Variants in SPATA31A6 observed in about 807,000 individuals in gnomAD.
The protein encoded by SPATA31A6 is SPATA31 subfamily A member 6.
SPATA31A6 carries 9 observed loss-of-function variants against 11.9 expected under a neutral mutation model. The ratio of observed to expected loss-of-function variants is 0.76; its 90% confidence interval spans 0.46 to 1.32. SPATA31A6 has a LOEUF of 1.32. Ranked by LOEUF, SPATA31A6 falls within the 40% of genes most tolerant of loss-of-function variation. The pLI is 0.00. For missense variants in SPATA31A6, 855 were observed against 1,467.3 expected, an observed-to-expected ratio of 0.58 and a Z score of 6.82; for synonymous variants, 314 against 572.1, an observed-to-expected ratio of 0.55 and a Z score of 6.44.
chr9:42,184,527 T>TTTTATTTTAC lies in SPATA31A6; in HGVS notation c.190-533_190-532insCTTTATTTTA, dbSNP rs1185826780. ...TGTTATTTTATTTTATTTTATTTTA[T>TTTTATTTTAC]TTTATTTTATTTTATTTTTTGAGAT... On this transcript the variant is annotated intron_variant, in intron 1 of 3. Coordinates refer to ENST00000332857, the MANE Select transcript of SPATA31A6 (RefSeq NM_001145196.1). 7.0e-5 allele frequency among the ~76,000 whole-genome samples: 9 copies of TTTTATTTTAC among 128,184 alleles called. 2 individuals are homozygous for TTTTATTTTAC. The highest frequency in any genetic ancestry group is 1.3e-4 in the Non-Finnish European group (8 of 62,546). The allele number at this position is 128,184 out of a possible 152,430, so 84.1% of individuals were successfully genotyped here.
rs533801395 is a variant in SPATA31A6, at chr9:42,185,631, C to A, written c.248-64C>A. On this transcript the variant is annotated intron_variant, in intron 2 of 3. Coordinates refer to ENST00000332857, the MANE Select transcript of SPATA31A6 (RefSeq NM_001145196.1). ...ATGGTCCTCCCTAAAGAAACAGCCACTCAGCCTCCTGTGAGATCCCAGGCC... is the reference window on the plus strand; with the variant it reads ...ATGGTCCTCCCTAAAGAAACAGCCAATCAGCCTCCTGTGAGATCCCAGGCC... 129 of 1,422,146 alleles carry A rather than the reference C, an allele frequency of 9.1e-5. 25 individuals carry two copies. In the African/African-American group the frequency reaches 2.0e-3, roughly 22 times the overall value. The allele number at this position is 1,422,146 out of a possible 1,614,324, so 88.1% of individuals were successfully genotyped here. A position where few individuals can be genotyped will look rare whatever the true frequency, so the allele number is the denominator to read the frequency against.
At position 42,187,152 on chromosome 9, in the gene SPATA31A6, C is replaced by T. The variant is rs142810770; in HGVS notation, c.1450C>T (p.Gln484Ter). ...HRQPFISSTP[Q>*]FLPTPMAQAE... ...CCAACCCTTTATTTCATCCACACCC[C>T]AATTCCTGCCCACACCTATGGCTCA... Residue 484 changes from glutamine (Q) to a stop codon, truncating the protein, a stop_gained, in exon 4 of 4, where the codon CAA becomes TAA. Coordinates refer to ENST00000332857, the MANE Select transcript of SPATA31A6 (RefSeq NM_001145196.1). LOFTEE classifies it low-confidence loss of function (END_TRUNC). 297 of 1,542,998 alleles carry T rather than the reference C, an allele frequency of 1.9e-4. 48 individuals are homozygous for T. Among genetic ancestry groups the T allele is most frequent in the Non-Finnish European group, 2.5e-4 (279 of 1,137,818 alleles).
chr9:42,185,436 C>A (rs1016410321), intron 2 of SPATA31A6: 3 of 629,262 alleles, frequency 4.8e-6, no homozygotes, highest in African/African-American at 2.1e-5. Context: ...CTCTTTGAGA[C>A]CACCTCAGTC....
Position 42,186,769 on chromosome 9 carries a change from C to G in SPATA31A6, c.1067C>G (p.Pro356Arg). The G allele has an allele frequency of 6.5e-7, 1 of 1,529,892 alleles. No individual in the cohort carries two copies. The highest frequency in any genetic ancestry group is 8.8e-7 in the Non-Finnish European group (1 of 1,138,334). The allele number at this position is 1,529,892 out of a possible 1,614,324, so 94.8% of individuals were successfully genotyped here. Residue 356 changes from proline (P) to arginine (R), a missense_variant, in exon 4 of 4, where the codon CCA becomes CGA. Physicochemically the swap from Pro to Arg is moderately radical, Grantham distance 103 (BLOSUM62 -2). Coordinates refer to ENST00000332857, the MANE Select transcript of SPATA31A6 (RefSeq NM_001145196.1). ...NVGSFTNQMT[P>R]EKHLNSLGNL... is the part of the protein sequence containing the mutation. ...GGATCATTTACAAATCAAATGACCC[C>G]AGAAAAGCACTTAAATTCTTTGGGG...
At position 42,188,680 on chromosome 9, in the gene SPATA31A6, C is replaced by T. The variant is rs1397672213; in HGVS notation, c.2978C>T (p.Ser993Phe). 8 of 1,212,428 alleles carry T rather than the reference C, an allele frequency of 6.6e-6. 2 individuals carry two copies. Among genetic ancestry groups the T allele is most frequent in the Non-Finnish European group, 8.9e-6 (8 of 898,162 alleles). 75.1% of individuals were successfully genotyped at this position (1,212,428 alleles called of 1,614,324 possible). A position where few individuals can be genotyped will look rare whatever the true frequency, so the allele number is the denominator to read the frequency against. Residue 993 changes from serine (S) to phenylalanine (F), a missense_variant, in exon 4 of 4, where the codon TCC becomes TTC. Physicochemically the swap from Ser to Phe is radical, Grantham distance 155 (BLOSUM62 -2). Coordinates refer to ENST00000332857, the MANE Select transcript of SPATA31A6 (RefSeq NM_001145196.1). ...KSSLHPRVSVSQDPRKLCLME... is the reference protein window; with the variant it reads ...KSSLHPRVSVFQDPRKLCLME... The stretch of plus-strand genomic sequence containing the variant: ...TCTCTACACCCTAGAGTGTCTGTCT[C>T]CCAAGATCCAAGAAAGCTGTGTCTT...
In SPATA31A6 at chr9:42,187,110, C is replaced by A; in HGVS notation, c.1408C>A (p.Gln470Lys). The change falls in exon 4 of 4, where the codon CAG becomes AAG. Residue 470 changes from glutamine to lysine, a missense_variant. Physicochemically the swap from Gln to Lys is moderately conservative, Grantham distance 53 (BLOSUM62 1). Coordinates refer to ENST00000332857, the MANE Select transcript of SPATA31A6 (RefSeq NM_001145196.1). ...TTMSPLLFQA[Q>K]PLSHRQPFIS... ...AATGTCCCCACTGCTTTTCCAGGCC[C>A]AGCCCCTGTCCCACCGCCAACCCTT... 1 of 1,541,214 alleles carries A rather than the reference C, an allele frequency of 6.5e-7. No individual in the cohort carries two copies. The highest frequency in any genetic ancestry group is 8.8e-7 in the Non-Finnish European group (1 of 1,137,310).
rs1394389004 is a variant in SPATA31A6 at position 42,187,173 on chromosome 9, G to A, written c.1471G>A (p.Ala491Thr). 3.9e-6 allele frequency: 6 copies of A among 1,542,716 alleles called. 1 individual carries two copies. The highest frequency in any genetic ancestry group is 2.4e-5 in the East Asian group (1 of 41,864). ...STPQFLPTPMAQAEAQAHLQS... is the reference protein window; with the variant it reads ...STPQFLPTPMTQAEAQAHLQS... ...ACCCCAATTCCTGCCCACACCTATG[G>A]CTCAGGCCGAGGCTCAGGCCCATCT... Residue 491 changes from alanine to threonine, a missense_variant, in exon 4 of 4, where the codon GCT becomes ACT. Physicochemically the swap from Ala to Thr is moderately conservative, Grantham distance 58. Transcript: ENST00000332857.
chr9:42,184,046 A>C (rs1367070781), intron 1 of SPATA31A6, among the ~76,000 whole-genome samples, 170 bp downstream of exon 1: 3 of 137,254 alleles, frequency 2.2e-5, no homozygotes, highest in Non-Finnish European at 4.7e-5. Context: ...TGGTAGGGGT[A>C]GATAGTGTAC....
Position 42,186,863 on chromosome 9 carries a change from G to A in SPATA31A6, c.1161G>A (p.Glu387=). Residue 387 remains glutamate, a synonymous_variant, in exon 4 of 4, where the codon GAG becomes GAA. Transcript: ENST00000332857. ...CAAAACCCTTCTGGAACATGGGAGA[G>A]AACTCGAAACAGCTGCCCGGACCTC... is the stretch of plus-strand genomic sequence containing the variant. ...TNPKPFWNMG[E]NSKQLPGPQK... 1.3e-6 allele frequency: 2 copies of A among 1,536,222 alleles called. No homozygotes were observed. Among genetic ancestry groups the A allele is most frequent in the Non-Finnish European group, 1.8e-6 (2 of 1,142,310 alleles).
At position 42,189,053 on chromosome 9, in the gene SPATA31A6, T is replaced by A. The variant is rs1199730242; in HGVS notation, c.3351T>A (p.His1117Gln). ...EKSRKPNLEK[H>Q]EERLEGLRTP... Reference sequence around the variant, plus strand: ...CTAGGAAGCCCAACTTAGAAAAACATGAAGAAAGGCTTGAAGGATTGAGGA... The same window carrying A: ...CTAGGAAGCCCAACTTAGAAAAACAAGAAGAAAGGCTTGAAGGATTGAGGA... Residue 1117 changes from histidine to glutamine, a missense_variant, in exon 4 of 4, where the codon CAT becomes CAA. Transcript: ENST00000332857. 4.5e-6 allele frequency: 7 copies of A among 1,555,062 alleles called. No individual in the cohort carries two copies. The East Asian group carries it at 1.4e-4, about 32-fold the overall frequency.
rs1161791548 is a variant in SPATA31A6 at position 42,184,631 on chromosome 9, G to A, written c.190-438G>A. On this transcript the variant is annotated intron_variant, in intron 1 of 3. Coordinates refer to ENST00000332857, the MANE Select transcript of SPATA31A6 (RefSeq NM_001145196.1). ...TGCAACCTCTGCTTCCCGAGTTCAAGCGATTCTCCTGTCTTAGCGTCCTGA... is the reference window on the plus strand; with the variant it reads ...TGCAACCTCTGCTTCCCGAGTTCAAACGATTCTCCTGTCTTAGCGTCCTGA... 2.2e-5 allele frequency among the ~76,000 whole-genome samples: 3 copies of A among 135,938 alleles called. 1 individual carries two copies. The highest frequency in any genetic ancestry group is 4.7e-5 in the Non-Finnish European group (3 of 64,448). 89.2% of individuals were successfully genotyped at this position (135,938 alleles called of 152,430 possible).
chr9:42,187,362 T>C lies in SPATA31A6; in HGVS notation c.1660T>C (p.Leu554=), dbSNP rs755829957. 1.9e-5 allele frequency: 29 copies of C among 1,536,370 alleles called. 3 individuals are homozygous for C. In the East Asian group the frequency reaches 2.7e-4, roughly 14 times the overall value. ...LRKQLEGRLA[L]PSRVQKSQDV... is the part of the protein sequence containing the mutation. ...GAAACAACTAGAAGGTAGGTTGGCT[T>C]TACCCTCTAGGGTCCAAAAATCTCA... The change falls in exon 4 of 4, where the codon TTA becomes CTA. Residue 554 remains leucine (L), a synonymous_variant. Coordinates refer to ENST00000332857, the MANE Select transcript of SPATA31A6 (RefSeq NM_001145196.1).
Position 42,184,967 on chromosome 9 carries a change from C to A in SPATA31A6, c.190-102C>A, listed in dbSNP as rs559760201. On this transcript the variant is annotated intron_variant, in intron 1 of 3. Coordinates refer to ENST00000332857, the MANE Select transcript of SPATA31A6 (RefSeq NM_001145196.1). ...GCAGCATGCTGCGGCTGGGCTGGAGCAGAGAGGGAGAGCCAGTCCTAGCTT... is the reference window on the plus strand; with the variant it reads ...GCAGCATGCTGCGGCTGGGCTGGAGAAGAGAGGGAGAGCCAGTCCTAGCTT... The A allele has an allele frequency of 1.3e-5, 18 of 1,377,904 alleles. 2 individuals carry two copies. The highest frequency in any genetic ancestry group is 4.9e-5 in the African/African-American group (3 of 60,800). 85.4% of individuals were successfully genotyped at this position (1,377,904 alleles called of 1,614,324 possible).
At chr9:42,185,021 C>A in intron 1 of SPATA31A6, 48 bp from the exon 2 acceptor site, 1 of 1,529,756 alleles carries the variant, frequency 6.5e-7, no homozygotes, top group Non-Finnish European at 8.8e-7. Flanking sequence ...CCATTGTCAT[C>A]TTGTCTCTCC....
chr9:42,187,121 C>A lies in SPATA31A6; in HGVS notation c.1419C>A (p.Ser473=). 6.5e-7 allele frequency: 1 copy of A among 1,539,080 alleles called. No homozygotes were observed. The highest frequency in any genetic ancestry group is 8.8e-7 in the Non-Finnish European group (1 of 1,137,130). The change falls in exon 4 of 4, where the codon TCC becomes TCA. Residue 473 remains serine, a synonymous_variant. Transcript: ENST00000332857. ...SPLLFQAQPL[S]HRQPFISSTP... is the part of the protein sequence containing the mutation. ...TGCTTTTCCAGGCCCAGCCCCTGTC[C>A]CACCGCCAACCCTTTATTTCATCCA...
rs1341333630 is a variant in SPATA31A6, at chr9:42,188,981, C to A, written c.3279C>A (p.Cys1093Ter). 6.5e-7 allele frequency: 1 copy of A among 1,548,056 alleles called. No individual in the cohort carries two copies. The highest frequency in any genetic ancestry group is 1.8e-5 in the Admixed American group (1 of 57,048). The stretch of plus-strand genomic sequence containing the variant: ...GAAACCCAAACTGTCAAGGCTCATG[C>A]AAGAGCCAAAGGCCAATGTTTCCCC... Reference protein sequence around the residue: ...EPRNPNCQGSCKSQRPMFPPI... With the variant: ...EPRNPNCQGS Residue 1093 changes from cysteine (C) to a stop codon, truncating the protein, a stop_gained, in exon 4 of 4, where the codon TGC becomes TGA. Coordinates refer to ENST00000332857, the MANE Select transcript of SPATA31A6 (RefSeq NM_001145196.1). LOFTEE classifies it low-confidence loss of function (END_TRUNC).
Position 42,189,326 on chromosome 9 carries a change from A to T in SPATA31A6, c.3624A>T (p.Ala1208=). The T allele has an allele frequency of 6.5e-7, 1 of 1,545,126 alleles. No individual in the cohort carries two copies. Among genetic ancestry groups the T allele is most frequent in the African/African-American group, 1.5e-5 (1 of 65,860 alleles). ...CTGAAGCTCAGGGTCTCATGACGGC[A>T]GTTGGACAAATGCTGGACAAGAAAA... is the stretch of plus-strand genomic sequence containing the variant. ...SSAEAQGLMT[A]VGQMLDKKMS... Residue 1208 remains alanine, a synonymous_variant, in exon 4 of 4, where the codon GCA becomes GCT. Coordinates refer to ENST00000332857, the MANE Select transcript of SPATA31A6 (RefSeq NM_001145196.1).
intron 1 of SPATA31A6, among the ~76,000 whole-genome samples, chr9:42,184,622 C>T (rs1321904712): frequency 8.9e-5 from 12 of 135,558 alleles, no homozygotes; most frequent in African/African-American, 1.2e-4. Flanking sequence ...CTCTGCTTCC[C>T]GAGTTCAAGC....
In SPATA31A6 at chr9:42,187,347, G is replaced by C; in HGVS notation, c.1645G>C (p.Glu549Gln). ...ATGGCCTTTGTTGAGGAAACAACTA[G>C]AAGGTAGGTTGGCTTTACCCTCTAG... is the stretch of plus-strand genomic sequence containing the variant. ...PEWPLLRKQL[E>Q]GRLALPSRVQ... The change falls in exon 4 of 4, where the codon GAA becomes CAA. Residue 549 changes from glutamate to glutamine, a missense_variant. By Grantham distance (29) the Glu-to-Gln change is conservative (BLOSUM62 2). Transcript: ENST00000332857. 3 of 1,538,090 alleles carry C rather than the reference G, an allele frequency of 2.0e-6. 1 individual carries two copies. Among genetic ancestry groups the C allele is most frequent in the Non-Finnish European group, 2.6e-6 (3 of 1,137,022 alleles).
Sources: gnomAD v4.1 joint callset for allele counts (sites outside exome capture counted in the v4.1 genomes callset) on GRCh38, gnomAD v4.1.1 for gene constraint, MANE v1.5 for transcripts, NCBI Gene and HGNC (gene_info 2026-07-23, HGNC 2026-07-21) for gene names.